C1orf21: variants seen among roughly 807,000 people sequenced by gnomAD.
The protein encoded by C1orf21 is chromosome 1 open reading frame 21.
In C1orf21, 3 loss-of-function variants were observed where a neutral mutation model predicts 18.7. That is an observed-to-expected ratio of 0.16 (90% CI 0.07 to 0.42). C1orf21 has a LOEUF of 0.42. Among genes scored for constraint, C1orf21 ranks in the 10% least tolerant of loss-of-function variants. The pLI is 0.99. For missense variants in C1orf21, 104 were observed against 143.6 expected, an observed-to-expected ratio of 0.72 and a Z score of 1.41; for synonymous variants, 41 against 46.4, an observed-to-expected ratio of 0.88 and a Z score of 0.47.
chr1:184,494,845 CT>C (rs569758976), intron 2 of C1orf21, among the ~76,000 whole-genome samples: 391 of 142,810 alleles, frequency 2.7e-3, no homozygotes, highest in Non-Finnish European at 2.6e-3. Flanking sequence ...TTTGCTTTTG[CT>C]TTTTTTTTTT....
chr1:184,558,032 G>A (rs1384644970), intron 3 of C1orf21, among the ~76,000 whole-genome samples: 1 of 152,160 alleles, frequency 6.6e-6, no homozygotes, highest in Non-Finnish European at 1.5e-5. Context: ...ATGTCTGTAT[G>A]CAAAGTCTCA....
At chr1:184,577,507 C>T (rs899474051) in intron 3 of C1orf21, among the ~76,000 whole-genome samples, 1 of 152,026 alleles carries the variant, frequency 6.6e-6, no homozygotes, top group Admixed American at 6.6e-5. Context: ...ATTTTCTGGG[C>T]ACTGACAGTT....
chr1:184,604,663 T>A (rs1659626349), intron 5 of C1orf21, among the ~76,000 whole-genome samples: 1 of 152,314 alleles, frequency 6.6e-6, no homozygotes, highest in Middle Eastern at 3.4e-3. Context: ...TTATCTCTAC[T>A]GCATAGTTTT....
At chr1:184,411,933 G>C (rs1463466105) in intron 1 of C1orf21, 1 of 152,148 alleles carries the variant, frequency 6.6e-6, no homozygotes, top group Non-Finnish European at 1.5e-5. Flanking sequence ...TATTTGATAT[G>C]GCTGTTTATT....
chr1:184,577,962 T>G (rs896199668), intron 3 of C1orf21, among the ~76,000 whole-genome samples: 15 of 146,278 alleles, frequency 1.0e-4, no homozygotes, highest in African/African-American at 3.0e-4. Flanking sequence ...TGTTTTTTTT[T>G]TTTTTTTTTG....
chr1:184,481,383 G>A lies in C1orf21; in HGVS notation c.94+3780G>A, dbSNP rs115320021. Among the ~76,000 whole-genome samples, 406 of 152,194 alleles carry A rather than the reference G, an allele frequency of 2.7e-3. 1 individual carries two copies. Among genetic ancestry groups the A allele is most frequent in the African/African-American group, 9.3e-3 (388 of 41,522 alleles). ...TTCACAGAAGGGCAAGTGTGCAAGT[G>A]ATACATATGGTGCCTCTGAAGCTTG... On this transcript the variant is annotated intron_variant, in intron 2 of 5. Transcript: ENST00000235307.
At chr1:184,389,068 A>G (rs967013502) in intron 1 of C1orf21, among the ~76,000 whole-genome samples, 3 of 152,164 alleles carry the variant, frequency 2.0e-5, no homozygotes, top group African/African-American at 7.2e-5. Flanking sequence ...AACGGAGTGT[A>G]TTTATAGGCG....
intron 1 of C1orf21, among the ~76,000 whole-genome samples, chr1:184,477,008 G>T (rs1445085337): frequency 6.6e-6 from 1 of 152,152 alleles, no homozygotes; most frequent in Admixed American, 6.5e-5. Flanking sequence ...GATCTCAAGA[G>T]TGGGCTCTCC....
Position 184,477,606 on chromosome 1 carries a change from G to A in C1orf21, c.94+3G>A, listed in dbSNP as rs530561600. 6.2e-6 allele frequency: 10 copies of A among 1,613,240 alleles called. No individual in the cohort carries two copies. The East Asian group carries it at 1.8e-4, about 29-fold the overall frequency. On this transcript the variant is annotated splice_donor_region_variant and intron_variant, in intron 2 of 5. Transcript: ENST00000235307. ...CCAGAACGGAGATGTGTTTGGCGGT[G>A]AGTCCTATCAAACTTGACTCTTGAC...
At chr1:184,435,441 G>A (rs551787790) in intron 1 of C1orf21, among the ~76,000 whole-genome samples, 15 of 152,246 alleles carry the variant, frequency 9.9e-5, no homozygotes, top group African/African-American at 3.6e-4. Context: ...CCTCCCAAGT[G>A]CAAGCAATTC....
At chr1:184,527,706 T>C (rs1658398724) in intron 3 of C1orf21, among the ~76,000 whole-genome samples, 1 of 152,144 alleles carries the variant, frequency 6.6e-6, no homozygotes. Flanking sequence ...GAAACCCAGA[T>C]TTAGATATAG....
At chr1:184,388,307 G>A (rs1655918995) in intron 1 of C1orf21, among the ~76,000 whole-genome samples, 1 of 152,186 alleles carries the variant, frequency 6.6e-6, no homozygotes. Context: ...CATGGCCAAA[G>A]ATAAAAATAT....
Position 184,574,921 on chromosome 1 carries a change from G to A in C1orf21, c.190-15818G>A, listed in dbSNP as rs538927630. 1.1e-3 allele frequency among the ~76,000 whole-genome samples: 175 copies of A among 152,330 alleles called. 1 individual carries two copies. The highest frequency in any genetic ancestry group is 4.2e-3 in the African/African-American group (173 of 41,578). ...CATCCACAGGACGAGCTCAGCTCGG[G>A]TGTCTTAGGGGAATGCACACCAAAT... On this transcript the variant is annotated intron_variant, in intron 3 of 5. Transcript: ENST00000235307.
intron 1 of C1orf21, among the ~76,000 whole-genome samples, chr1:184,393,376 A>G (rs1431060407): frequency 1.3e-5 from 2 of 151,856 alleles, no homozygotes; most frequent in Non-Finnish European, 2.9e-5. Flanking sequence ...CTCTCCATCA[A>G]GCTTTTAGAT....
rs541827153 is a variant in C1orf21 at position 184,624,175 on chromosome 1, C to G, written c.*4619C>G. The G allele has an allele frequency of 6.6e-6, 1 of 152,570 alleles. No homozygotes were observed. The highest frequency in any genetic ancestry group is 2.1e-4 in the South Asian group (1 of 4,832). The allele number at this position is 152,570 out of a possible 1,614,324, so 9.5% of individuals were successfully genotyped here. ...TTTATTATGACTATGCCCTTCGCAA[C>G]ACTGTGAAAACAACCCCTGGGGGCA... On this transcript the variant is annotated 3_prime_UTR_variant, in exon 6 of 6. Coordinates refer to ENST00000235307, the MANE Select transcript of C1orf21 (RefSeq NM_030806.4).
At chr1:184,391,285 A>G (rs1453121227) in intron 1 of C1orf21, among the ~76,000 whole-genome samples, 1 of 152,206 alleles carries the variant, frequency 6.6e-6, no homozygotes, top group African/African-American at 2.4e-5. Context: ...TATTACTAGA[A>G]AATGTATTTC....
intron 2 of C1orf21, among the ~76,000 whole-genome samples, chr1:184,478,743 C>T (rs1411200151): frequency 1.3e-5 from 2 of 152,118 alleles, no homozygotes; most frequent in African/African-American, 2.4e-5. Context: ...TCAATTAGTA[C>T]CAGGCAGATG....
At chr1:184,411,607 A>G (rs1364475731) in intron 1 of C1orf21, among the ~76,000 whole-genome samples, 2 of 152,016 alleles carry the variant, frequency 1.3e-5, no homozygotes, top group Non-Finnish European at 2.9e-5. Context: ...TATTTTTAAT[A>G]GAGACAGGGT....
intron 3 of C1orf21, among the ~76,000 whole-genome samples, chr1:184,584,210 G>C (rs1659323010): frequency 1.4e-5 from 2 of 139,024 alleles, no homozygotes; most frequent in South Asian, 4.7e-4. Flanking sequence ...TCCCAAAGTA[G>C]AAGTTAAATG....
Sources: gnomAD v4.1 joint callset for allele counts (sites outside exome capture counted in the v4.1 genomes callset) on GRCh38, gnomAD v4.1.1 for gene constraint, MANE v1.5 for transcripts, NCBI Gene and HGNC (gene_info 2026-07-23, HGNC 2026-07-21) for gene names.